Variants in KIF6 observed in about 807,000 individuals in gnomAD.
KIF6 encodes kinesin family member 6, also known as kinesin-like protein KIF6.
A neutral mutation model predicts 112.7 loss-of-function variants in KIF6; 106 were observed. The ratio of observed to expected loss-of-function variants is 0.94; its 90% CI spans 0.80 to 1.11. The LOEUF (loss-of-function observed/expected upper bound fraction) is 1.11, where lower values mean the gene tolerates loss of function less well. KIF6 is among the 50% of genes least tolerant of loss of function. The pLI is 0.00. For missense variants in KIF6, 929 were observed against 964.0 expected (o/e 0.96, Z 0.48); for synonymous variants, 339 against 339.9 (o/e 1.00, Z 0.03).
chr6:39,433,254 C>T (rs911230254), intron 13 of KIF6, among the ~76,000 whole-genome samples: 1 of 152,218 alleles, frequency 6.6e-6, no homozygotes, highest in Non-Finnish European at 1.5e-5. Context: ...CAACATGAAA[C>T]ACACCTTCCC....
At chr6:39,672,949 C>G (rs1786919658) in intron 3 of KIF6, among the ~76,000 whole-genome samples, 1 of 152,174 alleles carries the variant, frequency 6.6e-6, no homozygotes, top group South Asian at 2.1e-4. Context: ...TAGAGTAGCT[C>G]ATAAAATCTC....
At chr6:39,614,031 G>A (rs1783361854) in intron 5 of KIF6, among the ~76,000 whole-genome samples, 4 of 152,124 alleles carry the variant, frequency 2.6e-5, no homozygotes, top group Admixed American at 6.5e-5. Context: ...TGGGCATCCT[G>A]ATGCCAACAC....
intron 13 of KIF6, among the ~76,000 whole-genome samples, chr6:39,440,103 A>C (rs189430917): frequency 2.4e-3 from 366 of 152,212 alleles, no homozygotes; most frequent in Non-Finnish European, 3.9e-3. Context: ...GGATGAGAAG[A>C]AGACCAGCAG....
chr6:39,330,861 CAT>C lies in KIF6; in HGVS notation c.*5669_*5670del, dbSNP rs988155578. On this transcript the variant is annotated 3_prime_UTR_variant, in exon 23 of 23. Coordinates refer to ENST00000287152, the MANE Select transcript of KIF6 (RefSeq NM_145027.6). ...CTGCTTTTTCCTCCCACATTTGACA[CAT>C]ATGTTTTCAACATCCAACATTCACA... 1.3e-5 allele frequency: 2 copies of C among 152,304 alleles called. No individual in the cohort carries two copies. Among genetic ancestry groups the C allele is most frequent in the Admixed American group, 1.3e-4 (2 of 15,290 alleles). The allele number at this position is 152,304 out of a possible 1,614,324, so 9.4% of individuals were successfully genotyped here.
Position 39,648,027 on chromosome 6 carries a change from C to CT in KIF6, c.252-8271dup, listed in dbSNP as rs780247547. 5.1e-3 allele frequency among the ~76,000 whole-genome samples: 580 copies of CT among 113,436 alleles called. 2 individuals carry two copies. Among genetic ancestry groups the CT allele is most frequent in the East Asian group, 0.024 (89 of 3,690 alleles). The allele number at this position is 113,436 out of a possible 152,430, so 74.4% of individuals were successfully genotyped here. Reference sequence around the variant, plus strand: ...AGCCCAGCTAATGTTTTTTAACTTTCTTTTTTTTTTTTTTGAGACAGAGTC... The same window carrying CT: ...AGCCCAGCTAATGTTTTTTAACTTTCTTTTTTTTTTTTTTTGAGACAGAGTC... On this transcript the variant is annotated intron_variant, in intron 3 of 22. Coordinates refer to ENST00000287152, the MANE Select transcript of KIF6 (RefSeq NM_145027.6).
At chr6:39,720,608 A>C (rs919910246) in intron 2 of KIF6, 94 bp downstream of exon 2, 21 of 698,292 alleles carry the variant, frequency 3.0e-5, no homozygotes, top group Non-Finnish European at 4.7e-5. Context: ...TTCCACAAGA[A>C]ATGGTGCTAA....
intron 15 of KIF6, among the ~76,000 whole-genome samples, chr6:39,397,360 T>G (rs917531718): frequency 2.6e-5 from 4 of 152,190 alleles, no homozygotes; most frequent in African/African-American, 9.7e-5. Flanking sequence ...TCCCGTTATT[T>G]TACTTTATTT....
intron 5 of KIF6, among the ~76,000 whole-genome samples, chr6:39,625,820 C>CAAGGAGGG (rs1345614520): frequency 1.3e-5 from 2 of 152,074 alleles, no homozygotes; most frequent in Admixed American, 1.3e-4. Context: ...TGGGGGAGAA[C>CAAGGAGGG]TGGCTTCCAA....
At position 39,353,981 on chromosome 6, in the gene KIF6, T is replaced by C. The variant is rs754204922; in HGVS notation, c.2180+3296A>G. On this transcript the variant is annotated intron_variant, in intron 19 of 22. Coordinates refer to ENST00000287152, the MANE Select transcript of KIF6 (RefSeq NM_145027.6). ...CTACTGAGGGCACACTGACATTGCA[T>C]GGCCTCTGTTTTCACATGGGTCCAA... is the stretch of plus-strand genomic sequence containing the variant. 42 of 454,518 alleles carry C rather than the reference T, an allele frequency of 9.2e-5. 1 individual carries two copies. The highest frequency in any genetic ancestry group is 1.5e-4 in the Non-Finnish European group (35 of 238,792). The allele number at this position is 454,518 out of a possible 1,614,324, so 28.2% of individuals were successfully genotyped here.
At chr6:39,539,807 A>G (rs779766594) in intron 13 of KIF6, among the ~76,000 whole-genome samples, 196 bp downstream of exon 13, 4 of 152,186 alleles carry the variant, frequency 2.6e-5, no homozygotes, top group Non-Finnish European at 5.9e-5. Context: ...CTGAATTCTG[A>G]GAAAATTCAT....
chr6:39,665,429 T>C (rs1786409971), intron 3 of KIF6, among the ~76,000 whole-genome samples: 1 of 152,088 alleles, frequency 6.6e-6, no homozygotes, highest in Non-Finnish European at 1.5e-5. Context: ...ATACAACAAA[T>C]GAGAATTCTC....
chr6:39,386,051 T>C (rs1767388284), intron 15 of KIF6, among the ~76,000 whole-genome samples: 2 of 152,234 alleles, frequency 1.3e-5, no homozygotes, highest in Non-Finnish European at 2.9e-5. Context: ...TACTTTAAAA[T>C]CCACATCTTT....
intron 13 of KIF6, among the ~76,000 whole-genome samples, chr6:39,460,043 T>A (rs1433110033): frequency 2.0e-5 from 3 of 147,404 alleles, no homozygotes; most frequent in Non-Finnish European, 4.5e-5. Context: ...CAAATGACTA[T>A]AAATCATGCT....
At chr6:39,338,287 T>G (rs6901022) in intron 22 of KIF6, among the ~76,000 whole-genome samples, 48,144 of 152,082 alleles carry the variant, frequency 0.32, 7,863 homozygotes, top group East Asian at 0.47. Flanking sequence ...GTGACGAGTG[T>G]TAGCTTGGTT....
At chr6:39,360,684 G>T (rs1422833120) in intron 17 of KIF6, among the ~76,000 whole-genome samples, 154 bp from the exon 18 acceptor site, 1 of 152,156 alleles carries the variant, frequency 6.6e-6, no homozygotes, top group Non-Finnish European at 1.5e-5. Flanking sequence ...CGGAGGCCAG[G>T]CTATGGCACC....
rs1347244783 is a variant in KIF6, at chr6:39,333,658, T to C, written c.*2874A>G. On this transcript the variant is annotated 3_prime_UTR_variant, in exon 23 of 23. Coordinates refer to ENST00000287152, the MANE Select transcript of KIF6 (RefSeq NM_145027.6). Reference sequence around the variant, plus strand: ...TAATTCTATACTGGTGGTGAAGAATTAAAATGATGTATTCAGTATACCACA... The same window carrying C: ...TAATTCTATACTGGTGGTGAAGAATCAAAATGATGTATTCAGTATACCACA... The C allele has an allele frequency of 1.3e-5, 2 of 152,242 alleles. No individual in the cohort carries two copies. The highest frequency in any genetic ancestry group is 2.9e-5 in the Non-Finnish European group (2 of 68,044). The allele number at this position is 152,242 out of a possible 1,614,324, so 9.4% of individuals were successfully genotyped here.
intron 19 of KIF6, chr6:39,353,637 T>A (rs1277429361): frequency 1.3e-5 from 2 of 155,072 alleles, no homozygotes; most frequent in Non-Finnish European, 2.9e-5. Context: ...AACACCAGGC[T>A]AGCCAAACAA....
Position 39,602,415 on chromosome 6 carries a change from CT to C in KIF6, c.640-6156del, listed in dbSNP as rs779578258. Among the ~76,000 whole-genome samples the C allele has an allele frequency of 8.3e-4, 126 of 152,248 alleles. 1 individual carries two copies. The highest frequency in any genetic ancestry group is 3.7e-3 in the Admixed American group (56 of 15,270). On this transcript the variant is annotated intron_variant, in intron 6 of 22. Transcript: ENST00000287152. ...GAAGTTCCATTCATCTGAAAGATTA[CT>C]TCCTACAAAGCCTCTCCATTTCCCT...
At chr6:39,721,893 C>A (rs528536121) in intron 1 of KIF6, among the ~76,000 whole-genome samples, 1 of 150,968 alleles carries the variant, frequency 6.6e-6, no homozygotes, top group Admixed American at 6.6e-5. Context: ...GTTTAAGACC[C>A]ATTTAGATGC....
Sources: gnomAD v4.1 joint callset for allele counts (sites outside exome capture counted in the v4.1 genomes callset) on GRCh38, gnomAD v4.1.1 for gene constraint, MANE v1.5 for transcripts, NCBI Gene and HGNC (gene_info 2026-07-23, HGNC 2026-07-21) for gene names.